Variants in ACBD6 observed in about 807,000 individuals in gnomAD.
ACBD6 encodes acyl-CoA-binding domain-containing protein 6.
A neutral mutation model predicts 37.2 loss-of-function variants in ACBD6; 28 were observed. That is an observed-to-expected ratio of 0.75 (90% CI 0.56 to 1.03). ACBD6 has a LOEUF of 1.03. Ranked by LOEUF, ACBD6 falls within the 50% of genes least tolerant of loss-of-function variation. The pLI, the probability that ACBD6 is intolerant of heterozygous loss-of-function variation, is 0.00. For missense variants in ACBD6, 340 were observed against 337.4 expected, an observed-to-expected ratio of 1.01 and a Z score of -0.06; for synonymous variants, 113 against 126.8, an observed-to-expected ratio of 0.89 and a Z score of 0.73.
chr1:180,391,401 C>T (rs981224102), intron 6 of ACBD6, among the ~76,000 whole-genome samples: 1 of 152,108 alleles, frequency 6.6e-6, no homozygotes, highest in African/African-American at 2.4e-5. Context: ...CTGCAAATCA[C>T]ACATCTGAAA....
At chr1:180,328,234 CATATATGTATATATACAT>C (rs1300473071) in intron 6 of ACBD6, among the ~76,000 whole-genome samples, 4 of 148,406 alleles carry the variant, frequency 2.7e-5, no homozygotes, top group Admixed American at 1.3e-4. Context: ...TATATACACA[CATATATGTATATATACAT>C]ATATATGTAT....
At chr1:180,424,917 A>G (rs545043048) in intron 4 of ACBD6, among the ~76,000 whole-genome samples, 1 of 152,294 alleles carries the variant, frequency 6.6e-6, no homozygotes, top group African/African-American at 2.4e-5. Flanking sequence ...AAAAGGGTGA[A>G]TATGAGAGCC....
At chr1:180,489,237 C>A (rs1651394703) in intron 3 of ACBD6, among the ~76,000 whole-genome samples, 1 of 150,780 alleles carries the variant, frequency 6.6e-6, no homozygotes. Flanking sequence ...TTTAGAATAT[C>A]AAAAGAAAAT....
In ACBD6 at chr1:180,271,486, G is replaced by C. The variant is rs777852059; in HGVS notation, c.*1739C>G. ...ACTCCCCCAAGCCTGCCCGGCACGT[G>C]AGGGAGCAGCTGTCCTCAGAGACAG... On this transcript the variant is annotated 3_prime_UTR_variant, in exon 14 of 14. Coordinates refer to the ACBD6 transcript ENST00000642319. 3.1e-6 allele frequency: 5 copies of C among 1,614,076 alleles called. No individual in the cohort carries two copies. The South Asian group carries it at 5.5e-5, about 18-fold the overall frequency.
chr1:180,368,644 G>A (rs997516669), intron 6 of ACBD6, among the ~76,000 whole-genome samples: 1 of 151,726 alleles, frequency 6.6e-6, no homozygotes, highest in East Asian at 1.9e-4. Flanking sequence ...GTCTTTTCAG[G>A]GGGATGCATT....
intron 6 of ACBD6, among the ~76,000 whole-genome samples, chr1:180,339,571 T>C (rs1469584569): frequency 5.3e-5 from 8 of 151,936 alleles, no homozygotes; most frequent in Admixed American, 2.0e-4. Context: ...TTAGGAGATA[T>C]AGCTAATGTA....
At position 180,335,840 on chromosome 1, in the gene ACBD6, A is replaced by C. The variant is rs1333565107; in HGVS notation, c.664-21118T>G. On this transcript the variant is annotated intron_variant, in intron 6 of 7. Transcript: ENST00000367595. The stretch of plus-strand genomic sequence containing the variant: ...AGATCTACCAAGCAAATGGAAAACA[A>C]AAAAAGGCAGGGGTTGCAATCCTAG... Among the ~76,000 whole-genome samples, 3 of 144,954 alleles carry C rather than the reference A, an allele frequency of 2.1e-5. 1 individual carries two copies. Among genetic ancestry groups the C allele is most frequent in the African/African-American group, 7.4e-5 (3 of 40,352 alleles).
intron 5 of ACBD6, among the ~76,000 whole-genome samples, chr1:180,411,024 GATGACACAGAT>G (rs1406844192): frequency 8.5e-5 from 13 of 152,252 alleles, no homozygotes; most frequent in Middle Eastern, 3.4e-3. Context: ...AACCTTCATG[GATGACACAGAT>G]AAGGATTCAA....
chr1:180,413,981 G>A (rs1647971870), intron 4 of ACBD6, among the ~76,000 whole-genome samples: 1 of 152,254 alleles, frequency 6.6e-6, no homozygotes, highest in Non-Finnish European at 1.5e-5. Flanking sequence ...TATCAAAGGT[G>A]GAATAAGAGC....
At chr1:180,364,205 G>A (rs1325512040) in intron 6 of ACBD6, among the ~76,000 whole-genome samples, 1 of 152,140 alleles carries the variant, frequency 6.6e-6, no homozygotes, top group East Asian at 1.9e-4. Context: ...TTCACTTATT[G>A]ATGGCCTAGC....
intron 2 of ACBD6, among the ~76,000 whole-genome samples, chr1:180,494,792 C>A (rs979744882): frequency 1.3e-5 from 2 of 152,160 alleles, no homozygotes; most frequent in African/African-American, 4.8e-5. Flanking sequence ...TATGCAATTT[C>A]TCTTCTTTCA....
intron 6 of ACBD6, among the ~76,000 whole-genome samples, chr1:180,386,162 A>G (rs1192848093): frequency 2.0e-5 from 3 of 152,176 alleles, no homozygotes; most frequent in Non-Finnish European, 4.4e-5. Flanking sequence ...AGAGCTAGAC[A>G]CTGTCTCAAA....
chr1:180,294,510 C>T (rs1305181536), intron 7 of ACBD6, among the ~76,000 whole-genome samples: 1 of 151,954 alleles, frequency 6.6e-6, no homozygotes, highest in Non-Finnish European at 1.5e-5. Context: ...CACCACTGCA[C>T]TCCAGCCTGG....
chr1:180,463,487 CT>C (rs1650228189), intron 3 of ACBD6, among the ~76,000 whole-genome samples: 1 of 152,078 alleles, frequency 6.6e-6, no homozygotes, highest in African/African-American at 2.4e-5. Flanking sequence ...CACATATACT[CT>C]CCCCAGAATG....
chr1:180,395,580 A>T (rs1344866204), intron 6 of ACBD6, among the ~76,000 whole-genome samples: 1 of 152,174 alleles, frequency 6.6e-6, no homozygotes, highest in Non-Finnish European at 1.5e-5. Context: ...CGGAGCAATT[A>T]GGCAAGAAAA....
intron 6 of ACBD6, among the ~76,000 whole-genome samples, chr1:180,349,804 A>G (rs1355929408): frequency 6.6e-6 from 1 of 152,024 alleles, no homozygotes; most frequent in Non-Finnish European, 1.5e-5. Flanking sequence ...GTTTTTATTA[A>G]TGTTTCAAAT....
At chr1:180,396,958 G>C (rs982180613) in intron 6 of ACBD6, among the ~76,000 whole-genome samples, 14 of 152,026 alleles carry the variant, frequency 9.2e-5, no homozygotes, top group Non-Finnish European at 1.3e-4. Context: ...ACAACCAAAA[G>C]AACTGACAAC....
At chr1:180,369,322 C>T (rs1295495480) in intron 6 of ACBD6, among the ~76,000 whole-genome samples, 1 of 152,236 alleles carries the variant, frequency 6.6e-6, no homozygotes, top group South Asian at 2.1e-4. Flanking sequence ...GGCCACCCTT[C>T]AGGCCTAGGG....
intron 4 of ACBD6, among the ~76,000 whole-genome samples, chr1:180,426,134 C>T (rs117076280): frequency 6.6e-6 from 1 of 152,252 alleles, no homozygotes; most frequent in East Asian, 1.9e-4. Context: ...ATTCCAGAGC[C>T]CATCAATCAT....
Sources: gnomAD v4.1 joint callset for allele counts (sites outside exome capture counted in the v4.1 genomes callset) on GRCh38, gnomAD v4.1.1 for gene constraint, MANE v1.5 for transcripts, NCBI Gene and HGNC (gene_info 2026-07-23, HGNC 2026-07-21) for gene names.